The following TYW1B variants were observed in gnomAD, a reference collection of about 807,000 sequenced individuals.
TYW1B encodes tRNA-yW synthesizing protein 1 homolog B, also known as S-adenosyl-L-methionine-dependent tRNA 4-demethylwyosine synthase TYW1B.
TYW1B carries 73 observed loss-of-function variants against 86.9 expected under a neutral mutation model. The ratio of observed to expected loss-of-function variants is 0.84; its 90% CI spans 0.70 to 1.02. The LOEUF is 1.02. Ranked by LOEUF, TYW1B falls within the 50% of genes least tolerant of loss-of-function variation. The probability of loss-of-function intolerance (pLI) is 0.00; values close to 1 mark genes in which losing one functional copy is unlikely to be tolerated. For missense variants in TYW1B, 637 were observed against 827.4 expected, an observed-to-expected ratio of 0.77 and a Z score of 2.82; for synonymous variants, 248 against 292.8, an observed-to-expected ratio of 0.85 and a Z score of 1.56.
chr7:72,596,497 A>C (rs1357111519), intron 13 of TYW1B, among the ~76,000 whole-genome samples: 1 of 152,168 alleles, frequency 6.6e-6, no homozygotes, highest in Non-Finnish European at 1.5e-5. Flanking sequence ...AATATAGTCA[A>C]ATTATCTTTG....
At chr7:72,725,509 G>A (rs1326186866) in intron 9 of TYW1B, among the ~76,000 whole-genome samples, 2 of 152,144 alleles carry the variant, frequency 1.3e-5, no homozygotes, top group Non-Finnish European at 2.9e-5. Context: ...AATTTTATGT[G>A]TCAACCTGTC....
At chr7:72,827,999 G>C (rs1414833041) in intron 1 of TYW1B, 73 bp downstream of exon 1, 23 of 1,599,982 alleles carry the variant, frequency 1.4e-5, no homozygotes, top group Non-Finnish European at 8.5e-7. Context: ...ACGCCACTCC[G>C]CCCGGAGAGG....
intron 10 of TYW1B, among the ~76,000 whole-genome samples, chr7:72,709,445 G>T (rs1159937968): frequency 2.0e-5 from 3 of 150,758 alleles, no homozygotes; most frequent in Non-Finnish European, 4.4e-5. Context: ...AAGGCGGGCG[G>T]ATCACAAGGT....
At chr7:72,721,406 C>G (rs1160682671) in intron 9 of TYW1B, among the ~76,000 whole-genome samples, 3 of 152,114 alleles carry the variant, frequency 2.0e-5, no homozygotes, top group African/African-American at 7.2e-5. Flanking sequence ...TCTCCAGCAC[C>G]TGTTGTTTCC....
At chr7:72,584,273 G>A (rs797026474) in intron 13 of TYW1B, among the ~76,000 whole-genome samples, 2 of 152,250 alleles carry the variant, frequency 1.3e-5, no homozygotes, top group African/African-American at 4.8e-5. Context: ...TTGAATTCCA[G>A]GGCTCATGCA....
intron 10 of TYW1B, among the ~76,000 whole-genome samples, chr7:72,702,806 G>A (rs531204823): frequency 6.1e-4 from 92 of 151,856 alleles, no homozygotes; most frequent in Non-Finnish European, 7.7e-4. Context: ...TCCTCACATT[G>A]TTGCATGCCT....
chr7:72,779,572 T>G (rs1275499113), intron 6 of TYW1B, among the ~76,000 whole-genome samples: 2 of 151,308 alleles, frequency 1.3e-5, no homozygotes, highest in Admixed American at 1.3e-4. Flanking sequence ...CAAAAATTAG[T>G]CAGGCATGGT....
intron 13 of TYW1B, among the ~76,000 whole-genome samples, chr7:72,590,862 G>GGT (rs1387114310): frequency 5.9e-5 from 9 of 152,128 alleles, no homozygotes; most frequent in Non-Finnish European, 1.0e-4. Flanking sequence ...CCCTGAGAAA[G>GGT]GGTAGATGGC....
At chr7:72,733,058 A>G (rs566195118) in intron 8 of TYW1B, among the ~76,000 whole-genome samples, 1 of 152,172 alleles carries the variant, frequency 6.6e-6, no homozygotes, top group East Asian at 1.9e-4. Flanking sequence ...GAAAGAGAAA[A>G]CCTGAACAGA....
intron 7 of TYW1B, chr7:72,769,140 G>A: frequency 4.4e-6 from 2 of 456,648 alleles, no homozygotes; most frequent in Non-Finnish European, 7.2e-6. Context: ...TCATCTCTGT[G>A]TTGCCATTCA....
chr7:72,727,772 C>T (rs1263315088), intron 9 of TYW1B, among the ~76,000 whole-genome samples: 1 of 138,712 alleles, frequency 7.2e-6, no homozygotes, highest in Admixed American at 8.2e-5. Flanking sequence ...CAAGATAGCA[C>T]CACATACTCC....
intron 11 of TYW1B, among the ~76,000 whole-genome samples, chr7:72,651,799 T>C (rs1813066132): frequency 6.6e-6 from 1 of 151,852 alleles, no homozygotes; most frequent in South Asian, 2.1e-4. Context: ...GAACAGAAAT[T>C]GTTAACAAAA....
At chr7:72,815,521 G>T (rs782746272) in intron 2 of TYW1B, 40 bp from the exon 3 acceptor site, 2 of 1,567,356 alleles carry the variant, frequency 1.3e-6, no homozygotes, top group East Asian at 4.5e-5. Context: ...AGTCTTCAAT[G>T]AGCCAAATAT....
At chr7:72,788,105 G>A (rs1788159788) in intron 6 of TYW1B, among the ~76,000 whole-genome samples, 3 of 151,988 alleles carry the variant, frequency 2.0e-5, no homozygotes, top group Admixed American at 1.3e-4. Flanking sequence ...AGGCTCCCGA[G>A]TAGCTGGGAC....
At chr7:72,633,069 C>T (rs141019392) in intron 11 of TYW1B, among the ~76,000 whole-genome samples, 122 of 152,362 alleles carry the variant, frequency 8.0e-4, no homozygotes, top group African/African-American at 2.7e-3. Flanking sequence ...CCTTCTTGTG[C>T]ATTAGCATAA....
intron 7 of TYW1B, among the ~76,000 whole-genome samples, chr7:72,767,268 T>C (rs1204624573): frequency 6.6e-6 from 1 of 152,158 alleles, no homozygotes; most frequent in Non-Finnish European, 1.5e-5. Flanking sequence ...CAAGGATAAT[T>C]ATTTCAAAAC....
intron 8 of TYW1B, 49 bp downstream of exon 8, chr7:72,744,435 C>T: frequency 1.3e-6 from 2 of 1,542,606 alleles, no homozygotes; most frequent in Non-Finnish European, 1.8e-6. Context: ...AGATTGATTA[C>T]CACAGCTCAT....
At chr7:72,583,783 T>C (rs1811212373) in intron 13 of TYW1B, among the ~76,000 whole-genome samples, 1 of 152,210 alleles carries the variant, frequency 6.6e-6, no homozygotes, top group Non-Finnish European at 1.5e-5. Flanking sequence ...TGGTTCTCTA[T>C]CTTGTGTAAT....
At chr7:72,822,306 T>G (rs1234222703) in intron 2 of TYW1B, among the ~76,000 whole-genome samples, 1 of 140,504 alleles carries the variant, frequency 7.1e-6, no homozygotes, top group African/African-American at 2.7e-5. Context: ...AAAAAAGAAA[T>G]GAAAAGGGAA....
Sources: gnomAD v4.1 joint callset for allele counts (sites outside exome capture counted in the v4.1 genomes callset) on GRCh38, gnomAD v4.1.1 for gene constraint, MANE v1.5 for transcripts, NCBI Gene and HGNC (gene_info 2026-07-23, HGNC 2026-07-21) for gene names.